Variants in KCNQ1 observed in about 807,000 individuals in gnomAD.
The protein encoded by KCNQ1 is potassium voltage-gated channel subfamily KQT member 1.
KCNQ1 carries 49 observed loss-of-function variants against 72.4 expected under a neutral mutation model. The observed-to-expected ratio is 0.68, with a 90% CI of 0.54 to 0.86. The LOEUF (loss-of-function observed/expected upper bound fraction) is 0.86, where lower values mean the gene tolerates loss of function less well. Ranked by LOEUF, KCNQ1 falls within the 40% of genes least tolerant of loss-of-function variation. The pLI, the probability that KCNQ1 is intolerant of heterozygous loss-of-function variation, is 0.00. For synonymous variants in KCNQ1, 450 were observed against 412.6 expected (o/e 1.09, Z -1.10); for missense variants, 790 against 945.1 (o/e 0.84, Z 2.15).
At position 2,536,929 on chromosome 11, in the gene KCNQ1, C is replaced by T. The variant is rs544288286; in HGVS notation, c.477+8911C>T. Among the ~76,000 whole-genome samples the T allele has an allele frequency of 2.0e-5, 3 of 151,978 alleles. No individual in the cohort carries two copies. The highest frequency in any genetic ancestry group is 4.1e-4 in the South Asian group (2 of 4,822). Reference sequence around the variant, plus strand: ...CTAGATGTAGTACCCCAATCCCCCCCAGTCCCTCCCTTTACCTCACAGGGC... The same window carrying T: ...CTAGATGTAGTACCCCAATCCCCCCTAGTCCCTCCCTTTACCTCACAGGGC... On this transcript the variant is annotated intron_variant, in intron 2 of 15. Coordinates refer to ENST00000155840, the MANE Select transcript of KCNQ1 (RefSeq NM_000218.3). This position sits in a 1 kb window ranked among gnomAD's most constrained non-coding sequence, Gnocchi z 7.4.
chr11:2,645,261 G>T lies in KCNQ1; in HGVS notation c.1394-16700G>T. The T allele has an allele frequency of 2.5e-6, 1 of 398,748 alleles. No individual in the cohort carries two copies. Among genetic ancestry groups the T allele is most frequent in the Non-Finnish European group, 4.4e-6 (1 of 226,214 alleles). The allele number at this position is 398,748 out of a possible 1,614,324, so 24.7% of individuals were successfully genotyped here. On this transcript the variant is annotated intron_variant, in intron 10 of 15. Coordinates refer to ENST00000155840, the MANE Select transcript of KCNQ1 (RefSeq NM_000218.3). The surrounding 1 kb of genome is among the most constrained non-coding windows in gnomAD (Gnocchi z 5.8). ...GTGAATGCCAGTTGTGGTGGTAATG[G>T]TCAGTTGGGTAGGGCAGTCCTCAAG...
At chr11:2,846,826 C>A (rs928362481) in intron 15 of KCNQ1, among the ~76,000 whole-genome samples, 1 of 152,250 alleles carries the variant, frequency 6.6e-6, no homozygotes, top group Non-Finnish European at 1.5e-5. Context: ...CGCAGCACTG[C>A]GAGGCCTCTG....
rs142140845 is a variant in KCNQ1 at position 2,686,725 on chromosome 11, A to T, written c.1514+24644A>T. On this transcript the variant is annotated intron_variant, in intron 11 of 15. Coordinates refer to ENST00000155840, the MANE Select transcript of KCNQ1 (RefSeq NM_000218.3). ...AGGCTGGGAAGTCCTACTCGGCCCC[A>T]CTTCTACCCAGGACCAGTAGCTTTC... 83 of 398,596 alleles carry T rather than the reference A, an allele frequency of 2.1e-4. No individual in the cohort carries two copies. The East Asian group carries it at 3.0e-3, about 14-fold the overall frequency. 24.7% of individuals were successfully genotyped at this position (398,596 alleles called of 1,614,324 possible).
Position 2,633,853 on chromosome 11 carries a change from A to T in KCNQ1, c.1394-28108A>T, listed in dbSNP as rs1220809874. 4 of 398,468 alleles carry T rather than the reference A, an allele frequency of 1.0e-5. No homozygotes were observed. The East Asian group carries it at 1.1e-4, about 11-fold the overall frequency. The allele number at this position is 398,468 out of a possible 1,614,324, so 24.7% of individuals were successfully genotyped here. ...CAAGTCCCAGAGTCAGCCCTGTGTA[A>T]TGCGCATATACAAAATGTCAGTCAT... On this transcript the variant is annotated intron_variant, in intron 10 of 15. Transcript: ENST00000155840.
At chr11:2,776,154 C>G (rs886800099) in intron 13 of KCNQ1, 100 bp downstream of exon 13, 14 of 1,054,016 alleles carry the variant, frequency 1.3e-5, no homozygotes, top group Non-Finnish European at 1.4e-6. Flanking sequence ...GGGCTGAGAC[C>G]CTGAGTTCTT....
In KCNQ1 at chr11:2,477,972, A is replaced by T. The variant is rs1039146260; in HGVS notation, c.386+32488A>T. Among the ~76,000 whole-genome samples the T allele has an allele frequency of 6.6e-6, 1 of 152,166 alleles. No homozygotes were observed. The highest frequency in any genetic ancestry group is 1.5e-5 in the Non-Finnish European group (1 of 68,042). On this transcript the variant is annotated intron_variant, in intron 1 of 15. Transcript: ENST00000155840. This position sits in a 1 kb window ranked among gnomAD's most constrained non-coding sequence, Gnocchi z 5.0. ...GGTGGTTGTAGTCTCAGTGTCTCCCACCACCACTTACTAGTTACAAAGGAA... is the reference window on the plus strand; with the variant it reads ...GGTGGTTGTAGTCTCAGTGTCTCCCTCCACCACTTACTAGTTACAAAGGAA...
In KCNQ1 at chr11:2,565,197, G is replaced by A. The variant is rs1848229555; in HGVS notation, c.478-5431G>A. 6.6e-6 allele frequency among the ~76,000 whole-genome samples: 1 copy of A among 152,166 alleles called. No homozygotes were observed. Among genetic ancestry groups the A allele is most frequent in the South Asian group, 2.1e-4 (1 of 4,818 alleles). ...AGGTTCACAGCAAAATCGAGCGGCT[G>A]GTCATTTCACGCTTTAAAGGAGCTG... On this transcript the variant is annotated intron_variant, in intron 2 of 15. Transcript: ENST00000155840. This position sits in a 1 kb window ranked among gnomAD's most constrained non-coding sequence, Gnocchi z 5.6.
chr11:2,575,196 A>G (rs2085424122), intron 6 of KCNQ1, among the ~76,000 whole-genome samples: 2 of 151,744 alleles, frequency 1.3e-5, no homozygotes, highest in African/African-American at 2.4e-5. Context: ...CGGCACTCCC[A>G]CTCCCACACC....
rs1449503763 is a variant in KCNQ1, at chr11:2,549,566, C to G, written c.478-21062C>G. Among the ~76,000 whole-genome samples, 1 of 151,884 alleles carries G rather than the reference C, an allele frequency of 6.6e-6. No individual in the cohort carries two copies. The highest frequency in any genetic ancestry group is 2.4e-5 in the African/African-American group (1 of 41,282). ...GGCGTGGGCAGGTCCTGTTGTGGAG[C>G]CTCGTGACCTGCTCATAGCACAGCT... On this transcript the variant is annotated intron_variant, in intron 2 of 15. Coordinates refer to ENST00000155840, the MANE Select transcript of KCNQ1 (RefSeq NM_000218.3). The surrounding 1 kb of genome is among the most constrained non-coding windows in gnomAD (Gnocchi z 6.2).
chr11:2,519,052 AGT>A (rs1293489871), intron 1 of KCNQ1, among the ~76,000 whole-genome samples: 2 of 152,186 alleles, frequency 1.3e-5, no homozygotes, highest in African/African-American at 4.8e-5. Context: ...CCAGCTGGGC[AGT>A]GTGGACAATG....
Position 2,727,117 on chromosome 11 carries a change from G to T in KCNQ1, c.1515-41727G>T, listed in dbSNP as rs567416703. 2.6e-5 allele frequency among the ~76,000 whole-genome samples: 4 copies of T among 152,306 alleles called. No individual in the cohort carries two copies. The South Asian group carries it at 8.3e-4, about 32-fold the overall frequency. ...CTGTGATATATCTGCCCCTGTAGGA[G>T]CGAGACAGACATAAGCCAGATTTCA... On this transcript the variant is annotated intron_variant, in intron 11 of 15. Coordinates refer to ENST00000155840, the MANE Select transcript of KCNQ1 (RefSeq NM_000218.3).
intron 2 of KCNQ1, among the ~76,000 whole-genome samples, chr11:2,556,650 T>G (rs1431270932): frequency 6.6e-6 from 1 of 152,212 alleles, no homozygotes; most frequent in Non-Finnish European, 1.5e-5. Context: ...AAGACAATGT[T>G]GGAGGTTGCT....
Position 2,824,728 on chromosome 11 carries a change from C to T in KCNQ1, c.1795-23039C>T, listed in dbSNP as rs1481912682. Among the ~76,000 whole-genome samples the T allele has an allele frequency of 6.6e-6, 1 of 152,096 alleles. No individual in the cohort carries two copies. The highest frequency in any genetic ancestry group is 2.4e-5 in the African/African-American group (1 of 41,388). On this transcript the variant is annotated intron_variant, in intron 15 of 15. Coordinates refer to ENST00000155840, the MANE Select transcript of KCNQ1 (RefSeq NM_000218.3). This position sits in a 1 kb window ranked among gnomAD's most constrained non-coding sequence, Gnocchi z 5.9. ...GTGGCGGGAAGAAGACAGTCAGGAGCTTGGGCATCCTAGAGGCCCCCGGGA... is the reference window on the plus strand; with the variant it reads ...GTGGCGGGAAGAAGACAGTCAGGAGTTTGGGCATCCTAGAGGCCCCCGGGA...
intron 15 of KCNQ1, among the ~76,000 whole-genome samples, chr11:2,790,509 G>A (rs1846999136): frequency 6.6e-6 from 1 of 152,218 alleles, no homozygotes; most frequent in Admixed American, 6.5e-5. Flanking sequence ...TGTGCACACA[G>A]GGCCACACAC....
chr11:2,833,307 C>A (rs919541285), intron 15 of KCNQ1, among the ~76,000 whole-genome samples: 4 of 152,194 alleles, frequency 2.6e-5, no homozygotes, highest in African/African-American at 9.7e-5. Context: ...TCAGGGCAGC[C>A]AAGCCGGGCC....
chr11:2,585,969 C>A (rs999220187), intron 8 of KCNQ1, among the ~76,000 whole-genome samples: 20 of 152,204 alleles, frequency 1.3e-4, no homozygotes, highest in Admixed American at 1.3e-3. Context: ...GCTCTGTTAA[C>A]GTAAGCAAGG....
At chr11:2,448,785 A>G (rs1846080131) in intron 1 of KCNQ1, among the ~76,000 whole-genome samples, 1 of 152,236 alleles carries the variant, frequency 6.6e-6, no homozygotes, top group African/African-American at 2.4e-5. Flanking sequence ...CCTTGGTCTC[A>G]TCCCCTGGCT....
intron 11 of KCNQ1, chr11:2,681,841 C>A (rs1850403517): frequency 2.5e-6 from 1 of 398,454 alleles, no homozygotes; most frequent in Admixed American, 4.4e-5. Flanking sequence ...GCTCCCCAAA[C>A]ATCAAGGTAC....
chr11:2,522,436 G>A (rs1847404264), intron 1 of KCNQ1, among the ~76,000 whole-genome samples: 1 of 152,194 alleles, frequency 6.6e-6, no homozygotes. Flanking sequence ...AGGCAGAGGG[G>A]GTGGTAGGTG....
Sources: allele counts gnomAD v4.1 joint callset (sites outside exome capture counted in the v4.1 genomes callset), GRCh38; gene constraint gnomAD v4.1.1; non-coding constraint Gnocchi (gnomAD v3.1); transcripts MANE v1.5; gene names NCBI Gene and HGNC (gene_info 2026-07-23, HGNC 2026-07-21).